The following ARHGAP10 variants were observed in gnomAD, a reference collection of about 807,000 sequenced individuals.
The protein encoded by ARHGAP10 is rho GTPase-activating protein 10.
In ARHGAP10, 87 loss-of-function variants were observed where a neutral mutation model predicts 108.6. That is an observed-to-expected ratio of 0.80 (90% CI 0.67 to 0.96). ARHGAP10 has a LOEUF of 0.96. Ranked by LOEUF, ARHGAP10 falls within the 40% of genes least tolerant of loss-of-function variation. ARHGAP10 has a pLI of 0.00. For synonymous variants in ARHGAP10, 347 were observed against 341.1 expected, an observed-to-expected ratio of 1.02 and a Z score of -0.19; for missense variants, 939 against 954.5, an observed-to-expected ratio of 0.98 and a Z score of 0.21.
intron 18 of ARHGAP10, among the ~76,000 whole-genome samples, chr4:147,987,489 T>G (rs572566902): frequency 9.8e-5 from 15 of 152,304 alleles, no homozygotes; most frequent in South Asian, 6.2e-4. Context: ...AGTATTTCCT[T>G]CAGGCGACAG....
chr4:148,033,665 C>T (rs967768304), intron 19 of ARHGAP10, among the ~76,000 whole-genome samples: 3 of 152,044 alleles, frequency 2.0e-5, no homozygotes, highest in African/African-American at 4.8e-5. Flanking sequence ...AGCTTAACTC[C>T]GAAGCAAGCT....
intron 3 of ARHGAP10, among the ~76,000 whole-genome samples, chr4:147,833,649 G>C (rs1019150448): frequency 2.0e-5 from 3 of 152,182 alleles, no homozygotes; most frequent in African/African-American, 7.2e-5. Flanking sequence ...ATGCACAAGA[G>C]GGATACATGA....
chr4:148,019,492 CTG>C (rs1357559040), intron 18 of ARHGAP10, among the ~76,000 whole-genome samples: 1 of 152,110 alleles, frequency 6.6e-6, no homozygotes, highest in Non-Finnish European at 1.5e-5. Flanking sequence ...TGGCTCACAC[CTG>C]TAATCCCAGC....
chr4:147,797,681 G>T (rs1326291554), intron 1 of ARHGAP10, among the ~76,000 whole-genome samples: 1 of 152,162 alleles, frequency 6.6e-6, no homozygotes, highest in African/African-American at 2.4e-5. Context: ...AGAGTGCTGG[G>T]ATTACAAGCA....
chr4:148,070,915 G>A (rs573191462), intron 22 of ARHGAP10, among the ~76,000 whole-genome samples: 2 of 152,328 alleles, frequency 1.3e-5, no homozygotes, highest in Admixed American at 1.3e-4. Flanking sequence ...CCGAACACTG[G>A]TGAGGAGTGC....
In ARHGAP10 at chr4:148,072,013, G is replaced by A. The variant is rs990528016; in HGVS notation, c.2293G>A (p.Gly765Ser). 1 of 1,613,400 alleles carries A rather than the reference G, an allele frequency of 6.2e-7. No individual in the cohort carries two copies. The highest frequency in any genetic ancestry group is 1.3e-5 in the African/African-American group (1 of 74,894). The change falls in exon 23 of 23, where the codon GGC (glycine) becomes AGC (serine). Residue 765 changes from glycine to serine, a missense_variant. By Grantham distance (56) the Gly-to-Ser change is moderately conservative. Transcript: ENST00000336498. ...TTCAGTACAAACCTCCAGGGAACCT[G>A]GCTGGCTAGAAGGGACTCTGAACGG... Reference protein sequence around the residue: ...FEDVQTSREPGWLEGTLNGKR... With the variant: ...FEDVQTSREPSWLEGTLNGKR...
chr4:147,851,562 C>T (rs763767539), intron 4 of ARHGAP10, among the ~76,000 whole-genome samples: 13 of 152,114 alleles, frequency 8.5e-5, no homozygotes, highest in Non-Finnish European at 1.5e-4. Flanking sequence ...TAAATTACTA[C>T]AAAACATGAG....
intron 20 of ARHGAP10, among the ~76,000 whole-genome samples, chr4:148,047,538 T>G (rs1308506260): frequency 6.6e-6 from 1 of 152,258 alleles, no homozygotes; most frequent in East Asian, 1.9e-4. Flanking sequence ...GATTTTATCT[T>G]CTCAGTTTGG....
At chr4:147,946,974 T>G (rs571975641) in intron 15 of ARHGAP10, among the ~76,000 whole-genome samples, 41 of 152,330 alleles carry the variant, frequency 2.7e-4, no homozygotes, top group Non-Finnish European at 4.7e-4. Context: ...AATTAAACAC[T>G]ATGAAACAAC....
At chr4:147,744,826 A>T (rs541475944) in intron 1 of ARHGAP10, among the ~76,000 whole-genome samples, 1 of 152,000 alleles carries the variant, frequency 6.6e-6, no homozygotes, top group South Asian at 2.1e-4. Context: ...ATGGGTGTGT[A>T]TTTCAGGAAT....
intron 10 of ARHGAP10, among the ~76,000 whole-genome samples, chr4:147,898,503 G>T (rs1211238722): frequency 6.6e-6 from 1 of 151,468 alleles, no homozygotes; most frequent in African/African-American, 2.4e-5. Context: ...GTTCTTGGAT[G>T]TGTAGGTTTG....
At chr4:148,048,192 C>T (rs1728971784) in intron 20 of ARHGAP10, among the ~76,000 whole-genome samples, 1 of 152,222 alleles carries the variant, frequency 6.6e-6, no homozygotes, top group African/African-American at 2.4e-5. Flanking sequence ...ATAATGGTGT[C>T]ATCTGACCCT....
At chr4:148,045,763 AAAG>A (rs1388251505) in intron 19 of ARHGAP10, among the ~76,000 whole-genome samples, 12 of 151,554 alleles carry the variant, frequency 7.9e-5, no homozygotes, top group African/African-American at 1.9e-4. Context: ...AAAAAAAAAA[AAAG>A]AAATCCATCT....
chr4:147,811,073 C>T (rs1287534744), intron 1 of ARHGAP10, among the ~76,000 whole-genome samples: 1 of 152,200 alleles, frequency 6.6e-6, no homozygotes, highest in Non-Finnish European at 1.5e-5. Context: ...TTTCCTGTGG[C>T]CCTTAGATCA....
At chr4:147,872,196 G>A (rs1158007602) in intron 7 of ARHGAP10, among the ~76,000 whole-genome samples, 5 of 151,942 alleles carry the variant, frequency 3.3e-5, no homozygotes, top group East Asian at 1.9e-4. Flanking sequence ...TCATGGAGGC[G>A]TCTGCGGCAG....
chr4:147,917,266 G>C (rs994121048), intron 13 of ARHGAP10: 1 of 152,190 alleles, frequency 6.6e-6, no homozygotes, highest in Non-Finnish European at 1.5e-5. Flanking sequence ...CCCCCATCAG[G>C]TTCCTTGAAA....
intron 8 of ARHGAP10, among the ~76,000 whole-genome samples, chr4:147,875,906 A>G (rs766570958): frequency 1.3e-5 from 2 of 152,214 alleles, no homozygotes; most frequent in African/African-American, 4.8e-5. Flanking sequence ...CAACTGTACA[A>G]CCCAATTGCT....
intron 1 of ARHGAP10, among the ~76,000 whole-genome samples, chr4:147,785,879 A>G (rs1730869737): frequency 6.6e-6 from 1 of 152,172 alleles, no homozygotes. Context: ...TATCCTTTAG[A>G]TAGGCAAACC....
intron 18 of ARHGAP10, among the ~76,000 whole-genome samples, chr4:148,013,983 C>T (rs1367284240): frequency 1.3e-5 from 2 of 151,888 alleles, no homozygotes; most frequent in Non-Finnish European, 2.9e-5. Flanking sequence ...TAGTGGCACC[C>T]AGTGATTTTT....
Sources: allele counts gnomAD v4.1 joint callset (sites outside exome capture counted in the v4.1 genomes callset), GRCh38; gene constraint gnomAD v4.1.1; transcripts MANE v1.5; gene names NCBI Gene and HGNC (gene_info 2026-07-23, HGNC 2026-07-21).